DYNC2LI1: variants seen among roughly 807,000 people sequenced by gnomAD.
DYNC2LI1 encodes dynein cytoplasmic 2 light intermediate chain 1.
A neutral mutation model predicts 51.9 loss-of-function variants in DYNC2LI1; 45 were observed. The observed-to-expected ratio is 0.87, with a 90% CI of 0.68 to 1.11. DYNC2LI1 has a LOEUF of 1.11. Among genes scored for constraint, DYNC2LI1 ranks in the 50% most tolerant of loss-of-function variants. The pLI, the probability that DYNC2LI1 is intolerant of heterozygous loss-of-function variation, is 0.00. For missense variants in DYNC2LI1, 490 were observed against 417.4 expected (o/e 1.17, Z -1.51); for synonymous variants, 130 against 137.8 (o/e 0.94, Z 0.40).
chr2:43,818,484 C>T, the DYNC2LI1 span, among the ~76,000 whole-genome samples: 1 of 152,170 alleles, frequency 6.6e-6, no homozygotes, highest in South Asian at 2.1e-4. Flanking sequence ...TTCTACAGAA[C>T]GAGTATCACT....
At chr2:43,782,872 C>T (rs1205157723) in intron 2 of DYNC2LI1, among the ~76,000 whole-genome samples, 1 of 152,130 alleles carries the variant, frequency 6.6e-6, no homozygotes, top group Non-Finnish European at 1.5e-5. Flanking sequence ...ATCCCAGCTA[C>T]TTGAGAGGGT....
chr2:43,807,097 C>T (rs1346731588), intron 12 of DYNC2LI1, among the ~76,000 whole-genome samples: 2 of 152,118 alleles, frequency 1.3e-5, no homozygotes, highest in Non-Finnish European at 2.9e-5. Context: ...TAAATTTTGA[C>T]ATTCTACTAT....
chr2:43,794,822 A>G, intron 6 of DYNC2LI1, 179 bp downstream of exon 6: 1 of 1,458,846 alleles, frequency 6.9e-7, no homozygotes, highest in Admixed American at 2.7e-5. Flanking sequence ...AAAACAAGGA[A>G]GAAGATTCCT....
chr2:43,808,409 C>CAT (rs1379408918), intron 12 of DYNC2LI1, among the ~76,000 whole-genome samples: 8 of 152,214 alleles, frequency 5.3e-5, no homozygotes, highest in Admixed American at 3.9e-4. Context: ...ATTTTCTTTT[C>CAT]ATAGCAACTG....
At chr2:43,791,094 C>T (rs1673761426) in intron 5 of DYNC2LI1, among the ~76,000 whole-genome samples, 1 of 152,122 alleles carries the variant, frequency 6.6e-6, no homozygotes, top group Admixed American at 6.5e-5. Context: ...CATAGCAAGC[C>T]TCTGTAGTAC....
At chr2:43,792,135 A>G (rs1232248236) in intron 5 of DYNC2LI1, among the ~76,000 whole-genome samples, 1 of 152,136 alleles carries the variant, frequency 6.6e-6, no homozygotes, top group Non-Finnish European at 1.5e-5. Context: ...TGTATATACT[A>G]TTTTTACACT....
chr2:43,824,050 A>C, the DYNC2LI1 span: 1 of 1,614,214 alleles, frequency 6.2e-7, no homozygotes, highest in Non-Finnish European at 8.5e-7. Flanking sequence ...GAACAAACCC[A>C]TGATCAGATT....
the DYNC2LI1 span, among the ~76,000 whole-genome samples, chr2:43,815,292 G>A: frequency 0.43 from 65,589 of 152,038 alleles, 15,873 homozygotes; most frequent in African/African-American, 0.65. Context: ...CAATCAAAAG[G>A]TATAAAATTC....
At chr2:43,794,305 G>GT (rs1333843222) in intron 5 of DYNC2LI1, 152 bp from the exon 6 acceptor site, 3 of 788,172 alleles carry the variant, frequency 3.8e-6, no homozygotes, top group Non-Finnish European at 3.9e-6. Context: ...TATGACTTTG[G>GT]TTTTTTGTTT....
intron 1 of DYNC2LI1, 23 bp downstream of exon 1, chr2:43,774,169 G>C (rs561241939): frequency 6.2e-7 from 1 of 1,613,588 alleles, no homozygotes; most frequent in East Asian, 2.2e-5. Flanking sequence ...CCCGGCTTGC[G>C]TGGGAAAGGC....
At chr2:43,795,025 A>C in intron 6 of DYNC2LI1, 1 of 1,106,910 alleles carries the variant, frequency 9.0e-7, no homozygotes, top group Non-Finnish European at 1.1e-6. Context: ...GTAGAGTTGT[A>C]ATAGCCTTCA....
intron 8 of DYNC2LI1, among the ~76,000 whole-genome samples, chr2:43,797,061 G>A (rs530147487): frequency 8.9e-4 from 135 of 152,278 alleles, no homozygotes; most frequent in Non-Finnish European, 1.4e-3. Context: ...GAGATAAGTT[G>A]ATGATCTATT....
At chr2:43,818,391 C>T in the DYNC2LI1 span, among the ~76,000 whole-genome samples, 2 of 152,186 alleles carry the variant, frequency 1.3e-5, no homozygotes, top group African/African-American at 4.8e-5. Context: ...TTGCAGTGAG[C>T]TGAGATCGCG....
chr2:43,779,334 G>A (rs942218625), intron 2 of DYNC2LI1, among the ~76,000 whole-genome samples: 4 of 152,308 alleles, frequency 2.6e-5, no homozygotes, highest in East Asian at 1.9e-4. Flanking sequence ...AAAGAGAAGC[G>A]ATTAATGCTT....
chr2:43,807,319 C>T (rs1163540991), intron 12 of DYNC2LI1, among the ~76,000 whole-genome samples: 2 of 152,108 alleles, frequency 1.3e-5, no homozygotes, highest in African/African-American at 4.8e-5. Flanking sequence ...TTCACATGGG[C>T]ACCAGAAAAT....
rs565442039 is a variant in DYNC2LI1 at position 43,774,154 on chromosome 2, C to T, written c.8+8C>T. On this transcript the variant is annotated splice_region_variant and intron_variant, in intron 1 of 12. Coordinates refer to ENST00000260605, the MANE Select transcript of DYNC2LI1 (RefSeq NM_016008.4). ...GCCGTCGACGATGCCCAGGTATTCC[C>T]TGAACCCGGCTTGCGTGGGAAAGGC... The T allele has an allele frequency of 6.2e-7, 1 of 1,613,846 alleles. No individual in the cohort carries two copies. Among genetic ancestry groups the T allele is most frequent in the Admixed American group, 1.7e-5 (1 of 60,002 alleles).
the DYNC2LI1 span, chr2:43,820,226 C>T: frequency 1.5e-5 from 17 of 1,154,926 alleles, no homozygotes; most frequent in Admixed American, 2.1e-5. Flanking sequence ...GCAAGCCACA[C>T]TCCCCTTTGA....
chr2:43,795,828 A>G, intron 6 of DYNC2LI1, 62 bp from the exon 7 acceptor site: 3 of 1,256,080 alleles, frequency 2.4e-6, no homozygotes, highest in Non-Finnish European at 3.5e-6. Flanking sequence ...AAGTAAATAG[A>G]AATTGCTAAG....
chr2:43,820,035 T>TG, the DYNC2LI1 span: 16 of 1,614,026 alleles, frequency 9.9e-6, no homozygotes, highest in East Asian at 2.2e-5. Flanking sequence ...ACCAATTAAG[T>TG]GGGGGGCCAA....
Sources: gnomAD v4.1 joint callset for allele counts (sites outside exome capture counted in the v4.1 genomes callset) on GRCh38, gnomAD v4.1.1 for gene constraint, MANE v1.5 for transcripts, NCBI Gene and HGNC (gene_info 2026-07-23, HGNC 2026-07-21) for gene names.